ABCG8: variants seen among roughly 807,000 people sequenced by gnomAD.
ABCG8 encodes ATP binding cassette subfamily G member 8.
ABCG8 carries 81 observed loss-of-function variants against 71.3 expected under a neutral mutation model. The ratio of observed to expected loss-of-function variants is 1.14; its 90% CI spans 0.95 to 1.37. The LOEUF is 1.37. Among genes scored for constraint, ABCG8 ranks in the 40% most tolerant of loss-of-function variants. ABCG8 has a pLI of 0.00. For missense variants in ABCG8, 1,119 were observed against 866.2 expected, an observed-to-expected ratio of 1.29 and a Z score of -3.66; for synonymous variants, 451 against 354.7, an observed-to-expected ratio of 1.27 and a Z score of -3.05.
chr2:43,866,791 T>C (rs1413996390), intron 6 of ABCG8, among the ~76,000 whole-genome samples: 2 of 150,978 alleles, frequency 1.3e-5, no homozygotes, highest in Non-Finnish European at 3.0e-5. Context: ...AATGTGGTGA[T>C]TCCTCAGGGA....
rs1189815841 is a variant in ABCG8, at chr2:43,882,834, A to G, written c.*4921A>G. On this transcript the variant is annotated 3_prime_UTR_variant, in exon 13 of 13. Coordinates refer to ENST00000272286, the MANE Select transcript of ABCG8 (RefSeq NM_022437.3). Reference sequence around the variant, plus strand: ...AGTGGGTTGAGATTTTTAAACACAAACCAACTCAAAAACACTTCTCTGCTT... The same window carrying G: ...AGTGGGTTGAGATTTTTAAACACAAGCCAACTCAAAAACACTTCTCTGCTT... 6.6e-6 allele frequency: 1 copy of G among 152,252 alleles called. No individual in the cohort carries two copies. The highest frequency in any genetic ancestry group is 1.5e-5 in the Non-Finnish European group (1 of 68,052). 9.4% of individuals were successfully genotyped at this position (152,252 alleles called of 1,614,324 possible).
rs749976390 is a variant in ABCG8 at position 43,852,533 on chromosome 2, C to T, written c.694+47C>T. The T allele has an allele frequency of 3.1e-6, 5 of 1,613,872 alleles. No individual in the cohort carries two copies. The South Asian group carries it at 3.3e-5, about 11-fold the overall frequency. On this transcript the variant is annotated intron_variant, in intron 5 of 12. Transcript: ENST00000272286. ...GGGGGCAGAGGGACCTGTGCGGTCC[C>T]CTCAGGCTTGGCTTGGTCTGGCCAG... is the stretch of plus-strand genomic sequence containing the variant.
Position 43,852,337 on chromosome 2 carries a change from C to T in ABCG8, c.562-17C>T. 1 of 1,612,090 alleles carries T rather than the reference C, an allele frequency of 6.2e-7. No individual in the cohort carries two copies. Among genetic ancestry groups the T allele is most frequent in the Non-Finnish European group, 8.5e-7 (1 of 1,179,958 alleles). ...GGAGGCCCCTGAGGTGGCCTCAAAG[C>T]TCCTTCTGGCCCACAGGTGGAGGAC... On this transcript the variant is annotated splice_polypyrimidine_tract_variant and intron_variant, in intron 4 of 12. Transcript: ENST00000272286.
At chr2:43,841,202 C>G (rs66900043) in intron 1 of ABCG8, among the ~76,000 whole-genome samples, 7,716 of 152,340 alleles carry the variant, frequency 0.051, 227 homozygotes, top group Middle Eastern at 0.12. Context: ...ATAGGCTCCT[C>G]ATCTCAGAAC....
At chr2:43,852,894 G>T (rs373785387) in intron 6 of ABCG8, 26 bp downstream of exon 6, 52 of 1,612,876 alleles carry the variant, frequency 3.2e-5, no homozygotes, top group Non-Finnish European at 3.9e-5. Flanking sequence ...CAGCAGCCAG[G>T]GCCCTGGCAC....
rs1316023527 is a variant in ABCG8 at position 43,875,414 on chromosome 2, G to A, written c.1756+1G>A. 2.5e-6 allele frequency: 4 copies of A among 1,612,596 alleles called. No homozygotes were observed. The highest frequency in any genetic ancestry group is 2.2e-5 in the East Asian group (1 of 44,864). ...ATAAACTTGAGCAGCCTGTGGACAG[G>A]TAAGGCCTGCCCCCGGGGCCTGGGC... On this transcript the variant is annotated splice_donor_variant, in intron 11 of 12. Transcript: ENST00000272286. LOFTEE classifies it high-confidence loss of function.
chr2:43,877,445 T>A, intron 11 of ABCG8, 116 bp from the exon 12 acceptor site: 1 of 1,530,794 alleles, frequency 6.5e-7, no homozygotes. Context: ...CATGCAAATA[T>A]GGGCAGACCA....
rs116203008 is a variant in ABCG8, at chr2:43,876,812, G to A, written c.1757-749G>A. Among the ~76,000 whole-genome samples, 159 of 149,722 alleles carry A rather than the reference G, an allele frequency of 1.1e-3. 1 individual carries two copies. Among genetic ancestry groups the A allele is most frequent in the African/African-American group, 3.7e-3 (151 of 40,584 alleles). On this transcript the variant is annotated intron_variant, in intron 11 of 12. Transcript: ENST00000272286. Reference sequence around the variant, plus strand: ...GACCGTGGGAATATGAAGAGACTGTGTGAATATGGGGGAGACCATGTCAAT... The same window carrying A: ...GACCGTGGGAATATGAAGAGACTGTATGAATATGGGGGAGACCATGTCAAT...
intron 3 of ABCG8, 108 bp from the exon 4 acceptor site, chr2:43,851,476 G>A: frequency 7.8e-7 from 1 of 1,275,768 alleles, no homozygotes; most frequent in South Asian, 1.2e-5. Context: ...GGTCACATCT[G>A]CACGGACAGA....
At chr2:43,868,837 T>C (rs957377934) in intron 6 of ABCG8, among the ~76,000 whole-genome samples, 1 of 151,850 alleles carries the variant, frequency 6.6e-6, no homozygotes, top group East Asian at 2.0e-4. Flanking sequence ...GAATTCTCAC[T>C]CTAGATAGAA....
chr2:43,857,903 T>A (rs1305886223), intron 6 of ABCG8, among the ~76,000 whole-genome samples: 4 of 151,712 alleles, frequency 2.6e-5, no homozygotes, highest in Non-Finnish European at 4.4e-5. Flanking sequence ...TTACTATCAA[T>A]CTGGATATAA....
chr2:43,846,340 G>T, intron 3 of ABCG8, 29 bp downstream of exon 3: 1 of 1,613,946 alleles, frequency 6.2e-7, no homozygotes, highest in Non-Finnish European at 8.5e-7. Context: ...GCTGGGCAAT[G>T]GTTTCTCTCC....
At chr2:43,854,623 T>G (rs1669038420) in intron 6 of ABCG8, among the ~76,000 whole-genome samples, 1 of 78,418 alleles carries the variant, frequency 1.3e-5, no homozygotes. Context: ...TGAGACTCCA[T>G]CTCAAAAAAA....
chr2:43,852,940 T>G, intron 6 of ABCG8, 72 bp downstream of exon 6: 1 of 1,573,518 alleles, frequency 6.4e-7, no homozygotes, highest in South Asian at 1.1e-5. Context: ...CTGCCCAAGC[T>G]TGCTGGAAAG....
intron 1 of ABCG8, among the ~76,000 whole-genome samples, chr2:43,840,036 G>C (rs565310175): frequency 2.0e-5 from 3 of 152,314 alleles, no homozygotes; most frequent in Admixed American, 2.0e-4. Context: ...GGATGTGGCA[G>C]GATTTGAAGC....
intron 3 of ABCG8, chr2:43,846,615 A>T (rs144680109): frequency 2.5e-6 from 1 of 403,792 alleles, no homozygotes; most frequent in Non-Finnish European, 4.7e-6. Flanking sequence ...CAGCTCCAGC[A>T]TGTAATGTTC....
chr2:43,841,907 C>T (rs993091439), intron 1 of ABCG8, among the ~76,000 whole-genome samples: 1 of 152,194 alleles, frequency 6.6e-6, no homozygotes, highest in Admixed American at 6.5e-5. Context: ...GAAGTAATTT[C>T]TCAGCTCATT....
chr2:43,874,995 A>G, intron 10 of ABCG8, 151 bp from the exon 11 acceptor site: 2 of 1,116,546 alleles, frequency 1.8e-6, no homozygotes. Context: ...CACTGAGCTC[A>G]TGCTCCTGGG....
chr2:43,846,674 C>A (rs1316815002), intron 3 of ABCG8: 3 of 345,312 alleles, frequency 8.7e-6, no homozygotes, highest in Non-Finnish European at 1.7e-5. Context: ...GTTGTTCCTC[C>A]ACAATCACAT....
Sources: gnomAD v4.1 joint callset for allele counts (sites outside exome capture counted in the v4.1 genomes callset) on GRCh38, gnomAD v4.1.1 for gene constraint, MANE v1.5 for transcripts, NCBI Gene and HGNC (gene_info 2026-07-23, HGNC 2026-07-21) for gene names.